ANKRD36: variants seen among roughly 807,000 people sequenced by gnomAD.
ANKRD36 encodes the protein ankyrin repeat domain 36.
In ANKRD36, 179 loss-of-function variants were observed where a neutral mutation model predicts 278.1. The ratio of observed to expected loss-of-function variants is 0.64; its 90% CI spans 0.57 to 0.73. The LOEUF (loss-of-function observed/expected upper bound fraction) is 0.73. Ranked by LOEUF, ANKRD36 falls within the 30% of genes least tolerant of loss-of-function variation. The pLI, the probability that ANKRD36 is intolerant of heterozygous loss-of-function variation, is 0.00. For missense variants in ANKRD36, 1,159 were observed against 1,956.7 expected (o/e 0.59, Z 7.69); for synonymous variants, 320 against 641.1 (o/e 0.50, Z 7.57).
chr2:97,131,337 C>T (rs200292113), intron 6 of ANKRD36, among the ~76,000 whole-genome samples: 6 of 151,866 alleles, frequency 4.0e-5, no homozygotes, highest in Admixed American at 1.3e-4. Flanking sequence ...CTGCTACAAG[C>T]ATATGCCACC....
intron 44 of ANKRD36, 30 bp from the exon 45 acceptor site, chr2:97,200,304 G>A (rs2060986612): frequency 4.4e-6 from 7 of 1,607,238 alleles, no homozygotes; most frequent in African/African-American, 4.0e-5. Flanking sequence ...GTTTACATGT[G>A]AGTGATTATG....
At chr2:97,180,782 G>T (rs1379437029) in intron 24 of ANKRD36, among the ~76,000 whole-genome samples, 1 of 151,692 alleles carries the variant, frequency 6.6e-6, no homozygotes, top group South Asian at 2.1e-4. Context: ...AAACAAAAAT[G>T]ATGTTGAATT....
At chr2:97,128,879 T>A (rs1574628835) in intron 6 of ANKRD36, among the ~76,000 whole-genome samples, 1 of 152,122 alleles carries the variant, frequency 6.6e-6, no homozygotes, top group East Asian at 1.9e-4. Context: ...CATGGAATCA[T>A]AACACAGCCG....
intron 52 of ANKRD36, among the ~76,000 whole-genome samples, chr2:97,206,862 C>T (rs1306564225): frequency 1.3e-5 from 2 of 151,420 alleles, no homozygotes; most frequent in Non-Finnish European, 3.0e-5. Context: ...AAACTTGAAT[C>T]TGAATACATT....
intron 4 of ANKRD36, among the ~76,000 whole-genome samples, 153 bp from the exon 5 acceptor site, chr2:97,124,307 A>G (rs919290789): frequency 1.3e-5 from 2 of 151,984 alleles, no homozygotes; most frequent in Admixed American, 1.3e-4. Flanking sequence ...GTAACTTGCA[A>G]AGATAAACCC....
intron 34 of ANKRD36, 43 bp from the exon 35 acceptor site, chr2:97,190,935 A>G (rs1260833251): frequency 6.3e-7 from 1 of 1,596,822 alleles, no homozygotes; most frequent in Non-Finnish European, 8.5e-7. Flanking sequence ...TAACTTTATC[A>G]TGTTTATATA....
chr2:97,151,216 C>T (rs1278696378), intron 12 of ANKRD36, among the ~76,000 whole-genome samples: 4 of 151,942 alleles, frequency 2.6e-5, no homozygotes, highest in Non-Finnish European at 4.4e-5. Flanking sequence ...TCTTTCATTT[C>T]ACTTCTGTTT....
At chr2:97,203,623 G>T (rs1051721815) in intron 48 of ANKRD36, among the ~76,000 whole-genome samples, 1 of 151,790 alleles carries the variant, frequency 6.6e-6, no homozygotes, top group Admixed American at 6.6e-5. Context: ...TGCCTTCTCA[G>T]TTATTGGGCA....
chr2:97,212,857 T>A (rs1436335270), intron 58 of ANKRD36: 1 of 216,848 alleles, frequency 4.6e-6, no homozygotes, highest in East Asian at 1.4e-4. Flanking sequence ...AAATAATGAA[T>A]ATTCTCTACT....
At chr2:97,151,761 T>C in intron 12 of ANKRD36, 118 bp from the exon 13 acceptor site, 1 of 762,012 alleles carries the variant, frequency 1.3e-6, no homozygotes, top group Non-Finnish European at 2.1e-6. Context: ...GGTTTGAATC[T>C]ACATATGAGT....
chr2:97,124,337 G>C, intron 4 of ANKRD36, 123 bp from the exon 5 acceptor site: 1 of 1,285,348 alleles, frequency 7.8e-7, no homozygotes, highest in Non-Finnish European at 1.0e-6. Flanking sequence ...CAAGATGCTT[G>C]TTTCTTAGTA....
At chr2:97,219,385 T>C in intron 66 of ANKRD36, 139 bp downstream of exon 66, 1 of 1,265,842 alleles carries the variant, frequency 7.9e-7, no homozygotes, top group South Asian at 1.7e-5. Context: ...GCTGTTATCA[T>C]TTTTATTTAT....
At chr2:97,231,206 A>G (rs2071906470) in intron 67 of ANKRD36, among the ~76,000 whole-genome samples, 1 of 152,126 alleles carries the variant, frequency 6.6e-6, no homozygotes, top group African/African-American at 2.4e-5. Flanking sequence ...TGCAGAGGTT[A>G]CTGCTGTCTT....
chr2:97,193,685 C>A (rs538620509), intron 38 of ANKRD36, among the ~76,000 whole-genome samples: 2 of 151,608 alleles, frequency 1.3e-5, no homozygotes, highest in African/African-American at 4.8e-5. Context: ...AATTGGAATA[C>A]ACCACACTGA....
In ANKRD36 at chr2:97,164,933, ATG is replaced by A. The variant is rs543236995; in HGVS notation, c.1531+478_1531+479del. Among the ~76,000 whole-genome samples the A allele has an allele frequency of 1.1e-4, 16 of 151,686 alleles. 1 individual carries two copies. The highest frequency in any genetic ancestry group is 2.1e-4 in the South Asian group (1 of 4,778). On this transcript the variant is annotated intron_variant, in intron 20 of 75. Coordinates refer to ENST00000420699, the MANE Select transcript of ANKRD36 (RefSeq NM_001354587.1). Reference sequence around the variant, plus strand: ...TCTGATTACCGGATTGAGTTTCTGCATGTGTGTGTGTGTGTATCTCTGATTAA... The same window carrying A: ...TCTGATTACCGGATTGAGTTTCTGCATGTGTGTGTGTGTATCTCTGATTAA...
chr2:97,183,397 A>G (rs1348657127), intron 26 of ANKRD36, 62 bp from the exon 27 acceptor site: 11 of 1,488,478 alleles, frequency 7.4e-6, no homozygotes, highest in African/African-American at 1.4e-5. Context: ...ACACTGCATG[A>G]ATGTATGGAT....
chr2:97,206,469 G>A lies in ANKRD36; in HGVS notation c.3163+334G>A, dbSNP rs186154527. On this transcript the variant is annotated intron_variant, in intron 52 of 75. Coordinates refer to ENST00000420699, the MANE Select transcript of ANKRD36 (RefSeq NM_001354587.1). ...TGGAAGGAGAAAGAGAGGAAGTATC[G>A]ATTTTACAGATGTCACATCATACTG... Among the ~76,000 whole-genome samples the A allele has an allele frequency of 9.7e-4, 147 of 151,518 alleles. No homozygotes were observed. In the East Asian group the frequency reaches 0.011, roughly 11 times the overall value.
At chr2:97,136,278 A>G (rs1413254962) in intron 6 of ANKRD36, among the ~76,000 whole-genome samples, 1 of 150,458 alleles carries the variant, frequency 6.6e-6, no homozygotes, top group Non-Finnish European at 1.5e-5. Flanking sequence ...GGATGTTCCC[A>G]GAGGGTGAGT....
chr2:97,210,573 T>C (rs1207526952), intron 56 of ANKRD36, among the ~76,000 whole-genome samples: 2 of 151,840 alleles, frequency 1.3e-5, no homozygotes, highest in Non-Finnish European at 2.9e-5. Context: ...TGATTTTAGT[T>C]ATAAAAATGA....
Sources: allele counts gnomAD v4.1 joint callset (sites outside exome capture counted in the v4.1 genomes callset), GRCh38; gene constraint gnomAD v4.1.1; transcripts MANE v1.5; gene names NCBI Gene and HGNC (gene_info 2026-07-23, HGNC 2026-07-21).